Variants in ITSN1 observed in about 807,000 individuals in gnomAD.
ITSN1 encodes the protein intersectin 1, also known as intersectin-1.
In ITSN1, 58 loss-of-function variants were observed where a neutral mutation model predicts 239.8. That is an observed-to-expected ratio of 0.24 (90% confidence interval 0.20 to 0.30). The LOEUF (loss-of-function observed/expected upper bound fraction) is 0.30. Among genes scored for constraint, ITSN1 ranks in the 10% least tolerant of loss-of-function variants. ITSN1 has a pLI of 1.00. For missense variants in ITSN1, 1,558 were observed against 2,103.3 expected (o/e 0.74, Z 5.07); for synonymous variants, 780 against 770.8 (o/e 1.01, Z -0.20).
intron 1 of ITSN1, among the ~76,000 whole-genome samples, chr21:33,647,917 T>G (rs2088127808): frequency 6.6e-6 from 1 of 152,250 alleles, no homozygotes; most frequent in Non-Finnish European, 1.5e-5. Context: ...AATGTACTTG[T>G]GAGATTATTT....
At chr21:33,661,668 C>T (rs964196969) in intron 1 of ITSN1, among the ~76,000 whole-genome samples, 5 of 152,112 alleles carry the variant, frequency 3.3e-5, no homozygotes, top group Admixed American at 6.5e-5. Flanking sequence ...AATTCCCATG[C>T]GTTATGGGAG....
intron 12 of ITSN1, chr21:33,774,459 T>C (rs1202545517): frequency 3.6e-6 from 1 of 274,864 alleles, no homozygotes. Flanking sequence ...CTTGAAGGCA[T>C]AAAGAATGGA....
At chr21:33,722,520 A>G (rs912634969) in intron 3 of ITSN1, 68 bp from the exon 4 acceptor site, 5 of 1,491,782 alleles carry the variant, frequency 3.4e-6, no homozygotes, top group African/African-American at 1.5e-5. Flanking sequence ...TAATTTTGCT[A>G]TTACAGGATT....
At chr21:33,840,718 G>C (rs2074792939) in intron 29 of ITSN1, among the ~76,000 whole-genome samples, 2 of 151,982 alleles carry the variant, frequency 1.3e-5, no homozygotes, top group Admixed American at 1.3e-4. Context: ...GGCTGGTCTT[G>C]AACTCCTGAC....
chr21:33,729,363 C>G (rs533008283), intron 4 of ITSN1, among the ~76,000 whole-genome samples: 1 of 151,906 alleles, frequency 6.6e-6, no homozygotes, highest in Admixed American at 6.6e-5. Flanking sequence ...GTGGGAGGAT[C>G]ACTTGAGCTG....
intron 1 of ITSN1, among the ~76,000 whole-genome samples, chr21:33,703,919 G>A (rs981883387): frequency 6.6e-6 from 1 of 152,168 alleles, no homozygotes; most frequent in Non-Finnish European, 1.5e-5. Flanking sequence ...CTGAGGTGCT[G>A]CCTCTGCTTG....
chr21:33,683,598 T>G (rs2091086125), intron 1 of ITSN1, among the ~76,000 whole-genome samples: 1 of 152,210 alleles, frequency 6.6e-6, no homozygotes, highest in African/African-American at 2.4e-5. Flanking sequence ...ATATTTTTTG[T>G]TCTCGGTAGA....
chr21:33,761,163 C>T (rs898425803), intron 8 of ITSN1, among the ~76,000 whole-genome samples: 2 of 151,994 alleles, frequency 1.3e-5, no homozygotes, highest in Non-Finnish European at 2.9e-5. Context: ...GCAGCCTCCG[C>T]CTCTGGGGCT....
intron 1 of ITSN1, among the ~76,000 whole-genome samples, chr21:33,662,118 C>G (rs943320666): frequency 2.0e-5 from 3 of 152,150 alleles, no homozygotes; most frequent in Admixed American, 1.3e-4. Context: ...TATTTCTCTT[C>G]CATCTGGATC....
chr21:33,726,759 C>T (rs558666111), intron 4 of ITSN1, among the ~76,000 whole-genome samples: 1 of 151,754 alleles, frequency 6.6e-6, no homozygotes, highest in Admixed American at 6.5e-5. Context: ...TAGATTCAAG[C>T]CGTCTGCCCG....
At chr21:33,832,288 C>T (rs572314811) in intron 27 of ITSN1, among the ~76,000 whole-genome samples, 67 of 152,338 alleles carry the variant, frequency 4.4e-4, no homozygotes, top group Non-Finnish European at 8.4e-4. Context: ...CCAGAAGCAC[C>T]GTGTCCCTCC....
chr21:33,829,783 A>G (rs377428215), intron 27 of ITSN1, 38 bp downstream of exon 27: 15 of 1,610,124 alleles, frequency 9.3e-6, no homozygotes, highest in Middle Eastern at 1.7e-4. Flanking sequence ...TTCTCCATCC[A>G]AGTTTCAATA....
At chr21:33,676,185 G>A (rs904766347) in intron 1 of ITSN1, among the ~76,000 whole-genome samples, 4 of 151,866 alleles carry the variant, frequency 2.6e-5, no homozygotes, top group Admixed American at 6.6e-5. Flanking sequence ...GTTTCACCAC[G>A]TTGGTCAGGC....
chr21:33,677,674 TGC>T (rs1296498826), intron 1 of ITSN1, among the ~76,000 whole-genome samples: 3 of 152,100 alleles, frequency 2.0e-5, no homozygotes, highest in Non-Finnish European at 4.4e-5. Context: ...CCCACCCTAA[TGC>T]GCACACCCCA....
intron 1 of ITSN1, among the ~76,000 whole-genome samples, chr21:33,677,718 A>G (rs778323653): frequency 3.9e-5 from 6 of 152,128 alleles, no homozygotes; most frequent in Non-Finnish European, 8.8e-5. Flanking sequence ...TAGCGCTGTC[A>G]AACACCCATT....
intron 6 of ITSN1, 118 bp from the exon 7 acceptor site, chr21:33,751,692 G>T: frequency 1.3e-6 from 1 of 747,796 alleles, no homozygotes; most frequent in Non-Finnish European, 2.2e-6. Context: ...GTCTAGGCTG[G>T]CAAGAAGGGG....
intron 16 of ITSN1, among the ~76,000 whole-genome samples, chr21:33,784,620 A>G (rs1016877272): frequency 2.6e-5 from 4 of 152,244 alleles, no homozygotes; most frequent in African/African-American, 9.6e-5. Context: ...TATTATCTCT[A>G]GTATTCCTCT....
At chr21:33,726,469 T>A (rs966247713) in intron 4 of ITSN1, among the ~76,000 whole-genome samples, 14 of 151,794 alleles carry the variant, frequency 9.2e-5, no homozygotes, top group African/African-American at 3.4e-4. Flanking sequence ...TAGGCAGTCC[T>A]TGTGTCAGTC....
chr21:33,654,287 C>G (rs1463137917), intron 1 of ITSN1, among the ~76,000 whole-genome samples: 1 of 149,598 alleles, frequency 6.7e-6, no homozygotes, highest in African/African-American at 2.5e-5. Context: ...AACTTCTGGA[C>G]TCAAGTGGAC....
Sources: allele counts gnomAD v4.1 joint callset (sites outside exome capture counted in the v4.1 genomes callset), GRCh38; gene constraint gnomAD v4.1.1; transcripts MANE v1.5; gene names NCBI Gene and HGNC (gene_info 2026-07-23, HGNC 2026-07-21).